MYH16: variants seen among roughly 807,000 people sequenced by gnomAD.
MYH16 encodes myosin heavy chain 16.
At chr7:99,243,757 CCATCCATCTATCCATT>C (rs1467621756) in intron 2 of MYH16, among the ~76,000 whole-genome samples, 3 of 152,158 alleles carry the variant, frequency 2.0e-5, no homozygotes, top group Non-Finnish European at 4.4e-5. Context: ...AGAAGTCCAT[CCATCCATCTATCCATT>C]CATCCATCTA....
intron 20 of MYH16, among the ~76,000 whole-genome samples, chr7:99,274,336 A>G (rs1792083092): frequency 6.6e-6 from 1 of 152,194 alleles, no homozygotes; most frequent in Admixed American, 6.5e-5. Flanking sequence ...GGAGTCAGGC[A>G]CCAGGCAGCT....
chr7:99,294,527 AAAAG>A (rs1359956612), intron 33 of MYH16, among the ~76,000 whole-genome samples: 2 of 127,060 alleles, frequency 1.6e-5, no homozygotes, highest in African/African-American at 4.0e-5. Flanking sequence ...AAAAAAAAGA[AAAAG>A]AAAAAGAAAA....
At chr7:99,268,703 A>AC (rs1414349929) in intron 18 of MYH16, among the ~76,000 whole-genome samples, 3 of 152,078 alleles carry the variant, frequency 2.0e-5, no homozygotes, top group Non-Finnish European at 2.9e-5. Context: ...GGTGGGCCCC[A>AC]CCCCCAGCCA....
intron 40 of MYH16, 28 bp from the exon 22 acceptor site, chr7:99,305,808 C>T (rs1187398218): frequency 2.0e-5 from 3 of 153,128 alleles, no homozygotes; most frequent in Non-Finnish European, 2.9e-5. Context: ...CACGTTCGCT[C>T]AGCCGCATTC....
intron 20 of MYH16, among the ~76,000 whole-genome samples, chr7:99,275,653 T>G (rs1792101170): frequency 6.6e-6 from 1 of 152,200 alleles, no homozygotes; most frequent in African/African-American, 2.4e-5. Flanking sequence ...AGGTTCCTTC[T>G]GAGCAAGACA....
In MYH16 at chr7:99,297,864, G is replaced by A. The variant is rs1468398093; in HGVS notation, n.4637-28G>A. On this transcript the variant is annotated intron_variant and non_coding_transcript_variant, in intron 35 of 41. Transcript: ENST00000439784. ...CAGGCACTGCACATCTTCTTGGCCAGAAAGACTCATGGTTATATTTCTGGT... is the reference window on the plus strand; with the variant it reads ...CAGGCACTGCACATCTTCTTGGCCAAAAAGACTCATGGTTATATTTCTGGT... The A allele has an allele frequency of 6.6e-6, 3 of 456,748 alleles. No individual in the cohort carries two copies. In the East Asian group the frequency reaches 2.1e-4, roughly 32 times the overall value. 28.3% of individuals were successfully genotyped at this position (456,748 alleles called of 1,614,324 possible).
intron 21 of MYH16, 22 bp downstream of exon 3, chr7:99,277,734 A>G (rs1259277295): frequency 2.2e-6 from 1 of 450,202 alleles, no homozygotes. Context: ...CCCCAGGGAG[A>G]AGGGTGGGAA....
intron 29 of MYH16, 126 bp from the exon 11 acceptor site, chr7:99,289,161 G>T (rs1584354425): frequency 5.1e-6 from 1 of 197,464 alleles, no homozygotes; most frequent in Non-Finnish European, 1.1e-5. Context: ...TGAGACAGGG[G>T]CATACCTCCA....
intron 33 of MYH16, among the ~76,000 whole-genome samples, chr7:99,295,658 T>C (rs1214105886): frequency 6.6e-6 from 1 of 151,904 alleles, no homozygotes; most frequent in Non-Finnish European, 1.5e-5. Context: ...CAGGAGGTCA[T>C]ATCCATGTGA....
intron 1 of MYH16, among the ~76,000 whole-genome samples, chr7:99,240,804 C>A (rs114178131): frequency 6.7e-6 from 1 of 150,142 alleles, no homozygotes; most frequent in Non-Finnish European, 1.5e-5. Context: ...TGCACTGCTG[C>A]ACTCCAGCCT....
chr7:99,299,832 G>A (rs1243753561), intron 37 of MYH16, among the ~76,000 whole-genome samples, 174 bp downstream of exon 18: 1 of 151,852 alleles, frequency 6.6e-6, no homozygotes, highest in Non-Finnish European at 1.5e-5. Context: ...ATAAAGAAGA[G>A]GCCCTCAACC....
exon 19 of MYH16, chr7:99,270,996 A>G (rs1364836232): frequency 2.0e-5 from 3 of 152,650 alleles, no homozygotes; most frequent in African/African-American, 4.8e-5. Context: ...GCTTGAGGAC[A>G]TGAGGGACGA....
At chr7:99,298,162 C>T (rs571537440) in intron 36 of MYH16, among the ~76,000 whole-genome samples, 167 bp downstream of exon 17, 15 of 152,162 alleles carry the variant, frequency 9.9e-5, no homozygotes, top group Admixed American at 3.9e-4. Context: ...CTGTACCTCA[C>T]ACTACCGTGT....
chr7:99,306,091 C>G (rs541251094), intron 41 of MYH16, 55 bp downstream of exon 22: 2 of 152,568 alleles, frequency 1.3e-5, no homozygotes, highest in Admixed American at 6.5e-5. Flanking sequence ...TTTCTCAGTG[C>G]GGGTCGCCAG....
intron 33 of MYH16, among the ~76,000 whole-genome samples, chr7:99,295,836 GAAAAA>G (rs869299904): frequency 1.8e-5 from 1 of 56,792 alleles, no homozygotes; most frequent in Non-Finnish European, 3.3e-5. Context: ...TCATCTCTTG[GAAAAA>G]AAAAAAAAAA....
At chr7:99,257,339 A>G in exon 10 of MYH16, 1 of 172,418 alleles carries the variant, frequency 5.8e-6, no homozygotes, top group Non-Finnish European at 1.3e-5. Flanking sequence ...GCCGAGGAGA[A>G]GATGGCCGTG....
At chr7:99,278,124 G>A (rs1792144970) in intron 21 of MYH16, among the ~76,000 whole-genome samples, 1 of 151,940 alleles carries the variant, frequency 6.6e-6, no homozygotes, top group African/African-American at 2.4e-5. Context: ...CTAATTTTTT[G>A]TAGAGACAGG....
At chr7:99,282,590 A>G (rs1584351609) in intron 23 of MYH16, among the ~76,000 whole-genome samples, 1 of 152,134 alleles carries the variant, frequency 6.6e-6, no homozygotes, top group East Asian at 1.9e-4. Context: ...CTCCCACCTC[A>G]GCCTCCTGAG....
chr7:99,280,016 T>C (rs1362577488), intron 22 of MYH16, among the ~76,000 whole-genome samples: 1 of 152,128 alleles, frequency 6.6e-6, no homozygotes, highest in Non-Finnish European at 1.5e-5. Flanking sequence ...GGACTACACG[T>C]GTGGCACCAC....
Sources: allele counts gnomAD v4.1 joint callset (sites outside exome capture counted in the v4.1 genomes callset), GRCh38; gene constraint gnomAD v4.1.1; transcripts MANE v1.5; gene names NCBI Gene and HGNC (gene_info 2026-07-23, HGNC 2026-07-21).